DMD: variants seen among roughly 807,000 people sequenced by gnomAD.
DMD encodes the protein dystrophin.
Under a neutral mutation model 330.1 loss-of-function variants are expected in DMD, and 63 were observed. The observed-to-expected ratio is 0.19, with a 90% confidence interval of 0.16 to 0.24. DMD has a LOEUF of 0.24. Among genes scored for constraint, DMD ranks in the 10% least tolerant of loss-of-function variants. DMD has a pLI of 1.00. For missense variants in DMD, 3,344 were observed against 2,684.1 expected, an observed-to-expected ratio of 1.25 and a Z score of -5.43; for synonymous variants, 1,223 against 959.8, an observed-to-expected ratio of 1.27 and a Z score of -5.07.
At chrX:32,874,900 GGCATTAA>G (rs2083265799) in intron 2 of DMD, among the ~76,000 whole-genome samples, 1 of 111,151 alleles carries the variant, frequency 9.0e-6, no homozygotes. Context: ...TTCTCACAAT[GGCATTAA>G]GCATTAAGTG....
At chrX:31,931,659 TA>T (rs2094854901) in intron 46 of DMD, among the ~76,000 whole-genome samples, 1 of 111,447 alleles carries the variant, frequency 9.0e-6, no homozygotes, top group Non-Finnish European at 1.9e-5. Flanking sequence ...CAGGACAGAT[TA>T]AAAAAGTGAT....
rs185472768 is a variant in DMD at position 31,782,092 on chromosome X, A to G, written c.7310-7900T>C. Among the ~76,000 whole-genome samples, 16 of 111,640 alleles carry G rather than the reference A, an allele frequency of 1.4e-4. No individual in the cohort carries two copies. In the East Asian group the frequency reaches 4.5e-3, roughly 31 times the overall value. On this transcript the variant is annotated intron_variant, in intron 50 of 78. Coordinates refer to ENST00000357033, the MANE Select transcript of DMD (RefSeq NM_004006.3). ...GTATCCATAAGTAAACCACAAACTT[A>G]TGGCTGCCAAGGAATAATAAATAAT...
intron 7 of DMD, among the ~76,000 whole-genome samples, chrX:32,787,037 G>A (rs1165206976): frequency 1.8e-5 from 2 of 111,325 alleles, no homozygotes; most frequent in South Asian, 7.5e-4. Flanking sequence ...CCACTTTTAC[G>A]ATGTCATATG....
At chrX:33,322,081 C>A (rs917320408) in intron 1 of DMD, among the ~76,000 whole-genome samples, 2 of 111,665 alleles carry the variant, frequency 1.8e-5, no homozygotes, top group African/African-American at 6.5e-5. Flanking sequence ...AGTAAGACTG[C>A]TTTGCTTTCT....
At chrX:32,592,974 G>A (rs186242801) in intron 13 of DMD, among the ~76,000 whole-genome samples, 2 of 113,069 alleles carry the variant, frequency 1.8e-5, no homozygotes, top group Non-Finnish European at 3.7e-5. Flanking sequence ...GCTGCAGCTG[G>A]CATGCCTGTC....
chrX:32,977,652 C>A (rs2092592481), intron 2 of DMD, among the ~76,000 whole-genome samples: 1 of 110,483 alleles, frequency 9.1e-6, no homozygotes, highest in Non-Finnish European at 1.9e-5. Context: ...GGTGTTTGAC[C>A]CTTAGAAAGG....
At chrX:32,462,493 A>G (rs906269914) in intron 25 of DMD, among the ~76,000 whole-genome samples, 10 of 111,317 alleles carry the variant, frequency 9.0e-5, no homozygotes, top group Admixed American at 3.8e-4. Flanking sequence ...ACTATTTTTG[A>G]ATATATCTTA....
chrX:32,335,919 GTA>G (rs1491239831), intron 41 of DMD, among the ~76,000 whole-genome samples: 7 of 103,842 alleles, frequency 6.7e-5, no homozygotes, highest in Admixed American at 1.0e-4. Context: ...GTGTATATAT[GTA>G]TGTTATATAT....
chrX:32,534,794 C>G (rs1393005186), intron 17 of DMD, among the ~76,000 whole-genome samples: 1 of 110,544 alleles, frequency 9.0e-6, no homozygotes, highest in African/African-American at 3.3e-5. Flanking sequence ...TCTCCATTTC[C>G]AAATTCCATC....
Position 33,219,430 on chromosome X carries a change from G to A in DMD, c.7+119829C>T, listed in dbSNP as rs1188956423. On this transcript the variant is annotated intron_variant, in intron 1 of 17. Transcript: ENST00000288447. ...TAAGTAGATATCTGGAACCTTGTGA[G>A]TTCATTTTTAAATGTTCAGATTTTT... is the stretch of plus-strand genomic sequence containing the variant. Among the ~76,000 whole-genome samples, 3 of 94,261 alleles carry A rather than the reference G, an allele frequency of 3.2e-5. No individual in the cohort carries two copies. The East Asian group carries it at 1.0e-3, about 32-fold the overall frequency. 81.9% of individuals were successfully genotyped at this position (94,261 alleles called of 115,157 possible).
chrX:31,939,615 T>G (rs2094966864), intron 45 of DMD, among the ~76,000 whole-genome samples: 1 of 111,173 alleles, frequency 9.0e-6, no homozygotes, highest in Non-Finnish European at 1.9e-5. Context: ...GATTAAAGTT[T>G]TTTTTGCAGA....
At chrX:31,755,136 T>C (rs2088950409) in intron 51 of DMD, among the ~76,000 whole-genome samples, 1 of 98,866 alleles carries the variant, frequency 1.0e-5, no homozygotes, top group South Asian at 4.7e-4. Flanking sequence ...GCATTTGAAC[T>C]ATTTTTTATC....
At chrX:32,306,489 C>A (rs1007151407) in intron 42 of DMD, among the ~76,000 whole-genome samples, 3 of 111,043 alleles carry the variant, frequency 2.7e-5, no homozygotes, top group Non-Finnish European at 5.7e-5. Flanking sequence ...CGTGAGCTTT[C>A]TTCATATGGC....
At chrX:31,602,645 T>C (rs1224289533) in intron 55 of DMD, among the ~76,000 whole-genome samples, 2 of 111,473 alleles carry the variant, frequency 1.8e-5, no homozygotes, top group Admixed American at 1.9e-4. Flanking sequence ...AACGGCTGTT[T>C]TGGCTACTGC....
At chrX:32,455,029 G>C (rs1371398340) in intron 25 of DMD, among the ~76,000 whole-genome samples, 197 bp from the exon 26 acceptor site, 4 of 111,004 alleles carry the variant, frequency 3.6e-5, no homozygotes, top group African/African-American at 1.3e-4. Context: ...AGACATGTCT[G>C]TTTATTTGGC....
chrX:31,478,516 A>C, intron 58 of DMD, 142 bp from the exon 59 acceptor site: 1 of 779,574 alleles, frequency 1.3e-6, no homozygotes, highest in Non-Finnish European at 1.9e-6. Context: ...CTTTGGCATA[A>C]ATTTTGATAC....
At chrX:32,679,675 G>C in intron 9 of DMD, among the ~76,000 whole-genome samples, 1 of 110,158 alleles carries the variant, frequency 9.1e-6, no homozygotes, top group Non-Finnish European at 1.9e-5. Context: ...TATGAAAATG[G>C]AAATACTATT....
At chrX:32,407,912 G>C (rs2098125132) in intron 30 of DMD, among the ~76,000 whole-genome samples, 1 of 95,501 alleles carries the variant, frequency 1.0e-5, no homozygotes, top group Admixed American at 1.3e-4. Flanking sequence ...TCATAGGTGG[G>C]AATTGAACAA....
At chrX:31,699,879 A>T (rs1204301532) in intron 52 of DMD, among the ~76,000 whole-genome samples, 1 of 111,532 alleles carries the variant, frequency 9.0e-6, no homozygotes, top group East Asian at 2.8e-4. Flanking sequence ...AAATTTTAAA[A>T]TAGAATGTTA....
Sources: allele counts gnomAD v4.1 joint callset (sites outside exome capture counted in the v4.1 genomes callset), GRCh38; gene constraint gnomAD v4.1.1; transcripts MANE v1.5; gene names NCBI Gene and HGNC (gene_info 2026-07-23, HGNC 2026-07-21).